UMAD1: variants seen among roughly 807,000 people sequenced by gnomAD.
The protein encoded by UMAD1 is UBAP1-MVB12-associated (UMA)-domain containing protein 1.
A neutral mutation model predicts 6.1 loss-of-function variants in UMAD1; 8 were observed. That is an observed-to-expected ratio of 1.30 (90% CI 0.76 to 2.35). UMAD1 has a LOEUF of 2.35. Ranked by LOEUF, UMAD1 falls within the 30% of genes most tolerant of loss-of-function variation. The pLI is 0.00. For missense variants in UMAD1, 130 were observed against 78.4 expected, an observed-to-expected ratio of 1.66 and a Z score of -2.49; for synonymous variants, 56 against 31.4, an observed-to-expected ratio of 1.78 and a Z score of -2.61.
intron 3 of UMAD1, among the ~76,000 whole-genome samples, chr7:7,822,810 T>C (rs1159429214): frequency 6.6e-6 from 1 of 152,120 alleles, no homozygotes; most frequent in Admixed American, 6.6e-5. Context: ...TAGTAAGACT[T>C]CTATGAAGAC....
intron 3 of UMAD1, among the ~76,000 whole-genome samples, chr7:7,820,382 T>A (rs1345061695): frequency 8.5e-5 from 13 of 152,230 alleles, no homozygotes; most frequent in Admixed American, 8.5e-4. Context: ...CCACTGACTT[T>A]TTGGTTTCTA....
intron 3 of UMAD1, among the ~76,000 whole-genome samples, chr7:7,842,756 C>A (rs1267700999): frequency 6.6e-6 from 1 of 152,082 alleles, no homozygotes. Flanking sequence ...ATCCTTGTTT[C>A]TTTTAGCCTA....
At chr7:7,704,598 G>GA (rs35661728) in intron 2 of UMAD1, among the ~76,000 whole-genome samples, 6,179 of 93,550 alleles carry the variant, frequency 0.066, 272 homozygotes, top group African/African-American at 0.13. Context: ...TACTAAAATA[G>GA]AAAAAAAAAA....
chr7:7,827,141 A>G (rs75249749), intron 3 of UMAD1, among the ~76,000 whole-genome samples: 77,748 of 133,702 alleles, frequency 0.58, 22,612 homozygotes, highest in South Asian at 0.61. Flanking sequence ...ATATATATAT[A>G]TATATATGTG....
intron 2 of UMAD1, chr7:7,738,643 T>C (rs1430300245): frequency 6.6e-6 from 1 of 152,266 alleles, no homozygotes; most frequent in Non-Finnish European, 1.5e-5. Context: ...TTTAGGGCTG[T>C]GGCTACCGAG....
chr7:7,644,365 T>TTA (rs1785048249), intron 1 of UMAD1, among the ~76,000 whole-genome samples: 1 of 151,946 alleles, frequency 6.6e-6, no homozygotes, highest in African/African-American at 2.4e-5. Flanking sequence ...TTTTTTTTTT[T>TTA]TTATTAGGAA....
intron 3 of UMAD1, among the ~76,000 whole-genome samples, chr7:7,846,211 G>A (rs1233718334): frequency 1.3e-5 from 2 of 152,120 alleles, no homozygotes; most frequent in Non-Finnish European, 2.9e-5. Flanking sequence ...TCAATGACAC[G>A]TGTAAAGAAT....
chr7:7,678,819 G>T (rs1199209349), intron 2 of UMAD1, among the ~76,000 whole-genome samples: 47 of 23,766 alleles, frequency 2.0e-3, no homozygotes, highest in South Asian at 3.5e-3. Flanking sequence ...TATATATTTA[G>T]TTTATAAACA....
chr7:7,709,606 T>A (rs1287526914), intron 2 of UMAD1, among the ~76,000 whole-genome samples: 1 of 152,232 alleles, frequency 6.6e-6, no homozygotes, highest in Non-Finnish European at 1.5e-5. Flanking sequence ...AAGTCACCTG[T>A]TTGCTCAGAA....
intron 2 of UMAD1, among the ~76,000 whole-genome samples, chr7:7,712,348 T>G (rs1427732386): frequency 6.6e-6 from 1 of 152,198 alleles, no homozygotes; most frequent in Admixed American, 6.5e-5. Flanking sequence ...CAGAAATATA[T>G]TTCTGTCCAT....
At position 7,640,768 on chromosome 7, in the gene UMAD1, T is replaced by G; in HGVS notation, c.-117T>G. 4.1e-6 allele frequency: 1 copy of G among 244,050 alleles called. No individual in the cohort carries two copies. The highest frequency in any genetic ancestry group is 8.1e-6 in the Non-Finnish European group (1 of 122,790). 15.1% of individuals were successfully genotyped at this position (244,050 alleles called of 1,614,324 possible). A position where few individuals can be genotyped will look rare whatever the true frequency, so the allele number is the denominator to read the frequency against. On this transcript the variant is annotated 5_prime_UTR_variant, in exon 1 of 4. Transcript: ENST00000682710. The stretch of plus-strand genomic sequence containing the variant: ...CCCGGCGGTGACTTGACCCCGGAAG[T>G]GGGGTGTGAAGCTCCGGTGCTGGTG...
chr7:7,815,927 G>C lies in UMAD1; in HGVS notation c.156+14184G>C, dbSNP rs374794591. 2.0e-5 allele frequency among the ~76,000 whole-genome samples: 3 copies of C among 152,138 alleles called. No homozygotes were observed. The East Asian group carries it at 5.8e-4, about 29-fold the overall frequency. On this transcript the variant is annotated intron_variant, in intron 3 of 3. Transcript: ENST00000682710. ...TCCAACAATAGATATCAGTGGAGGT[G>C]GGGGAGGACAAATAGAGAGAAGCAT...
At chr7:7,736,667 T>C (rs1002827779) in intron 2 of UMAD1, 7 of 150,926 alleles carry the variant, frequency 4.6e-5, no homozygotes, top group Non-Finnish European at 1.0e-4. Context: ...CTGATTCTTT[T>C]CTTTAAGAAA....
At chr7:7,661,743 G>A (rs1377482188) in intron 1 of UMAD1, among the ~76,000 whole-genome samples, 1 of 152,174 alleles carries the variant, frequency 6.6e-6, no homozygotes, top group Admixed American at 6.5e-5. Flanking sequence ...GTGTCTGTCG[G>A]CCCCTGCTGG....
intron 2 of UMAD1, among the ~76,000 whole-genome samples, chr7:7,698,349 G>A (rs1008319969): frequency 2.6e-5 from 4 of 152,166 alleles, no homozygotes; most frequent in African/African-American, 9.7e-5. Context: ...ATATAATGGT[G>A]CGTTTCCTGC....
chr7:7,725,113 G>T (rs559352182), intron 2 of UMAD1, among the ~76,000 whole-genome samples: 1 of 152,212 alleles, frequency 6.6e-6, no homozygotes, highest in Non-Finnish European at 1.5e-5. Context: ...GTGGTGTGGG[G>T]CCTGTTGAGA....
At chr7:7,808,424 T>C (rs1782959830) in intron 3 of UMAD1, among the ~76,000 whole-genome samples, 1 of 152,030 alleles carries the variant, frequency 6.6e-6, no homozygotes, top group Non-Finnish European at 1.5e-5. Flanking sequence ...ATTTGTAGTC[T>C]TGGAAAGTGT....
chr7:7,748,149 T>A (rs771625212), intron 2 of UMAD1, among the ~76,000 whole-genome samples: 4 of 151,374 alleles, frequency 2.6e-5, no homozygotes, highest in Non-Finnish European at 5.9e-5. Context: ...TTTCACCATG[T>A]TGGCCAGGAT....
At chr7:7,740,597 T>A (rs76615476) in intron 2 of UMAD1, 1 of 152,260 alleles carries the variant, frequency 6.6e-6, no homozygotes, top group Non-Finnish European at 1.5e-5. Context: ...ACACCCTTCA[T>A]ACTGTTCGTA....
Sources: gnomAD v4.1 joint callset for allele counts (sites outside exome capture counted in the v4.1 genomes callset) on GRCh38, gnomAD v4.1.1 for gene constraint, MANE v1.5 for transcripts, NCBI Gene and HGNC (gene_info 2026-07-23, HGNC 2026-07-21) for gene names.